Variants in NFASC observed in about 807,000 individuals in gnomAD.
NFASC encodes the protein neurofascin homolog.
In NFASC, 43 loss-of-function variants were observed where a neutral mutation model predicts 147.5. The ratio of observed to expected loss-of-function variants is 0.29; its 90% CI spans 0.23 to 0.38. NFASC has a LOEUF of 0.38. Among genes scored for constraint, NFASC ranks in the 10% least tolerant of loss-of-function variants. The pLI is 1.00. For synonymous variants in NFASC, 622 were observed against 665.5 expected (o/e 0.93, Z 1.01); for missense variants, 1,320 against 1,689.0 (o/e 0.78, Z 3.83).
At chr1:204,958,527 C>T (rs1382954143) in intron 8 of NFASC, among the ~76,000 whole-genome samples, 2 of 152,116 alleles carry the variant, frequency 1.3e-5, no homozygotes, top group African/African-American at 4.8e-5. Context: ...GAAGCTTAGT[C>T]AGAAATGTTC....
rs1436086129 is a variant in NFASC at position 204,976,783 on chromosome 1, C to A, written c.1819C>A (p.Leu607Ile). 3.7e-6 allele frequency: 6 copies of A among 1,613,890 alleles called. 1 individual carries two copies. In the South Asian group the frequency reaches 5.5e-5, roughly 15 times the overall value. Residue 607 changes from leucine (L) to isoleucine (I), a missense_variant, in exon 16 of 30, where the codon CTC (leucine) becomes ATC (isoleucine). Physicochemically the swap from Leu to Ile is conservative, Grantham distance 5. This residue lies in a region of NFASC where 981 missense variants were observed against 1,289.5 expected (regional missense o/e 0.76). Transcript: ENST00000339876. Reference sequence around the variant, plus strand: ...AGACCAAGACCTGGCCAAGGCCTACCTCACCGTGCTAGGTAACTGCCCATG... The same window carrying A: ...AGACCAAGACCTGGCCAAGGCCTACATCACCGTGCTAGGTAACTGCCCATG... The part of the protein sequence containing the change: ...ELDQDLAKAY[L>I]TVLADQATPT...
chr1:204,969,374 T>G (rs1378791185), intron 10 of NFASC, among the ~76,000 whole-genome samples: 1 of 152,198 alleles, frequency 6.6e-6, no homozygotes, highest in African/African-American at 2.4e-5. Context: ...CTGTGCTGCT[T>G]TTTAAAACTG....
At chr1:204,949,670 C>T (rs748345224) in intron 3 of NFASC, among the ~76,000 whole-genome samples, 17 of 152,228 alleles carry the variant, frequency 1.1e-4, no homozygotes, top group Non-Finnish European at 1.9e-4. Context: ...GGCATTGCCC[C>T]AGCACTTGTC....
At chr1:204,984,649 G>A (rs1456776061) in intron 21 of NFASC, among the ~76,000 whole-genome samples, 3 of 151,816 alleles carry the variant, frequency 2.0e-5, no homozygotes, top group African/African-American at 7.3e-5. Context: ...CAAAGCCACT[G>A]AAAGCATGCA....
At chr1:204,961,203 C>G (rs1252860055) in intron 8 of NFASC, among the ~76,000 whole-genome samples, 1 of 152,170 alleles carries the variant, frequency 6.6e-6, no homozygotes, top group Non-Finnish European at 1.5e-5. Flanking sequence ...TCTGAAATGT[C>G]TTTCTCATTA....
In NFASC at chr1:205,001,160, C is replaced by T. The variant is rs759073919; in HGVS notation, c.3020-10C>T. 70 of 1,557,198 alleles carry T rather than the reference C, an allele frequency of 4.5e-5. No homozygotes were observed. The highest frequency in any genetic ancestry group is 5.5e-5 in the Non-Finnish European group (62 of 1,135,720). ...CTCATCACTAACCCCTTTTCTAACC[C>T]GTCCACCAGCCCCTGATGAGCAGTC... On this transcript the variant is annotated splice_polypyrimidine_tract_variant and intron_variant, in intron 25 of 29. Transcript: ENST00000339876.
At chr1:204,836,469 G>A (rs1051569616) in intron 1 of NFASC, among the ~76,000 whole-genome samples, 3 of 152,156 alleles carry the variant, frequency 2.0e-5, no homozygotes, top group Non-Finnish European at 2.9e-5. Flanking sequence ...ATCTTGACTC[G>A]TGAGACCAGC....
chr1:204,973,434 C>T lies in NFASC; in HGVS notation c.1279+15C>T. ...CAGTGTGCTGGGTGAGTGTGCCCTTCGCAGCCTGTTTCCCCCTCCTCTCCA... is the reference window on the plus strand; with the variant it reads ...CAGTGTGCTGGGTGAGTGTGCCCTTTGCAGCCTGTTTCCCCCTCCTCTCCA... On this transcript the variant is annotated intron_variant, in intron 12 of 29. Coordinates refer to ENST00000339876, the MANE Select transcript of NFASC (RefSeq NM_001005388.3). The T allele has an allele frequency of 3.1e-6, 5 of 1,613,890 alleles. No homozygotes were observed. Among genetic ancestry groups the T allele is most frequent in the East Asian group, 2.2e-5 (1 of 44,882 alleles).
chr1:204,851,303 A>G (rs947200776), intron 1 of NFASC, among the ~76,000 whole-genome samples: 5 of 151,704 alleles, frequency 3.3e-5, no homozygotes, highest in Non-Finnish European at 5.9e-5. Flanking sequence ...ACATCTAAAA[A>G]TGTGTTAACA....
intron 1 of NFASC, chr1:204,870,643 C>T (rs1374956046): frequency 1.9e-6 from 2 of 1,031,236 alleles, no homozygotes; most frequent in Admixed American, 5.1e-5. Context: ...CACAACTCTT[C>T]CATTATGCAT....
At chr1:204,897,066 G>A (rs977119957) in intron 1 of NFASC, among the ~76,000 whole-genome samples, 13 of 122,942 alleles carry the variant, frequency 1.1e-4, no homozygotes, top group Non-Finnish European at 2.2e-4. Flanking sequence ...CCTTCCCCCC[G>A]ACCCAGACAT....
rs866150427 is a variant in NFASC at position 204,984,075 on chromosome 1, C to T, written c.2470+2055C>T. 1.9e-6 allele frequency: 3 copies of T among 1,614,174 alleles called. No individual in the cohort carries two copies. The Middle Eastern group carries it at 4.9e-4, about 266-fold the overall frequency. On this transcript the variant is annotated intron_variant, in intron 21 of 29. Transcript: ENST00000339876. ...GTTAAAGTCCGAGTCATGAACAGCA[C>T]AGCCATCAGCCTTCAGTGGAACCGC...
At chr1:204,998,756 A>T (rs1440403616) in intron 25 of NFASC, 1 of 152,170 alleles carries the variant, frequency 6.6e-6, no homozygotes, top group South Asian at 2.1e-4. Flanking sequence ...GTGTCCTACA[A>T]GTGCTTTGAG....
chr1:204,849,509 T>C (rs2075476815), intron 1 of NFASC, among the ~76,000 whole-genome samples: 1 of 152,154 alleles, frequency 6.6e-6, no homozygotes, highest in Non-Finnish European at 1.5e-5. Flanking sequence ...GCCAAGAATG[T>C]GTGTTTCTGA....
At chr1:204,898,361 G>A (rs2083808705) in intron 1 of NFASC, among the ~76,000 whole-genome samples, 1 of 152,178 alleles carries the variant, frequency 6.6e-6, no homozygotes, top group South Asian at 2.1e-4. Flanking sequence ...GAGAACCCAG[G>A]AGAAAATGTA....
chr1:204,931,190 A>T (rs558676676), intron 2 of NFASC, among the ~76,000 whole-genome samples: 1 of 152,276 alleles, frequency 6.6e-6, no homozygotes, highest in Non-Finnish European at 1.5e-5. Flanking sequence ...TGACAAATAC[A>T]TATGATCATT....
intron 1 of NFASC, among the ~76,000 whole-genome samples, chr1:204,898,746 CCAGCTCACA>C (rs2083901998): frequency 6.6e-6 from 1 of 152,278 alleles, no homozygotes; most frequent in East Asian, 1.9e-4. Context: ...AGCATCGGCA[CCAGCTCACA>C]CAGATCTCCT....
chr1:204,834,218 A>T (rs1051044772), intron 1 of NFASC, among the ~76,000 whole-genome samples: 2 of 151,584 alleles, frequency 1.3e-5, no homozygotes, highest in Admixed American at 1.3e-4. Context: ...CAGGAAAAGG[A>T]CATCATCCTA....
intron 2 of NFASC, among the ~76,000 whole-genome samples, chr1:204,928,345 G>A (rs953207561): frequency 1.3e-5 from 2 of 152,160 alleles, no homozygotes; most frequent in Non-Finnish European, 2.9e-5. Context: ...CCAAAGACCC[G>A]TAGAAAGCTG....
Sources: gnomAD v4.1 joint callset for allele counts (sites outside exome capture counted in the v4.1 genomes callset) on GRCh38, gnomAD v4.1.1 for gene constraint, gnomAD v4.1.1 regional missense constraint, MANE v1.5 for transcripts, NCBI Gene and HGNC (gene_info 2026-07-23, HGNC 2026-07-21) for gene names.